The following SCN2A variants were observed in gnomAD, a reference collection of about 807,000 sequenced individuals.
SCN2A encodes the protein sodium channel protein type 2 subunit alpha.
A neutral mutation model predicts 188.7 loss-of-function variants in SCN2A; 20 were observed. The observed-to-expected ratio is 0.11, with a 90% CI of 0.07 to 0.15. The LOEUF (loss-of-function observed/expected upper bound fraction) is 0.15, where lower values mean the gene tolerates loss of function less well. Among genes scored for constraint, SCN2A ranks in the 10% least tolerant of loss-of-function variants. The pLI is 1.00. For synonymous variants in SCN2A, 804 were observed against 833.1 expected (o/e 0.97, Z 0.60); for missense variants, 1,278 against 2,445.0 (o/e 0.52, Z 10.07).
intron 1 of SCN2A, among the ~76,000 whole-genome samples, chr2:165,290,143 C>G (rs186605172): frequency 3.9e-5 from 6 of 152,100 alleles, no homozygotes; most frequent in Non-Finnish European, 7.4e-5. Context: ...TATTTCAATA[C>G]ATATAACATA....
intron 1 of SCN2A, among the ~76,000 whole-genome samples, chr2:165,261,462 T>C (rs965366860): frequency 2.0e-5 from 3 of 152,224 alleles, no homozygotes; most frequent in Non-Finnish European, 4.4e-5. Context: ...CAGTTCTGAA[T>C]TGTAAGTGAA....
rs1369907819 is a variant in SCN2A at position 165,390,110 on chromosome 2, AGGG to A, written c.*290_*292del. On this transcript the variant is annotated 3_prime_UTR_variant, in exon 27 of 27. Transcript: ENST00000375437. The stretch of plus-strand genomic sequence containing the variant: ...ACTCAGACGATAGGAACCAATTTAA[AGGG>A]GGGAGGGAAGTTAAATTTTTATGTA... The A allele has an allele frequency of 2.9e-6, 1 of 348,676 alleles. No individual in the cohort carries two copies. Among genetic ancestry groups the A allele is most frequent in the African/African-American group, 2.1e-5 (1 of 47,870 alleles). 21.6% of individuals were successfully genotyped at this position (348,676 alleles called of 1,614,324 possible). A position where few individuals can be genotyped will look rare whatever the true frequency, so the allele number is the denominator to read the frequency against.
chr2:165,239,925 T>A (rs1188362620), intron 1 of SCN2A: 1 of 152,202 alleles, frequency 6.6e-6, no homozygotes, highest in Non-Finnish European at 1.5e-5. Flanking sequence ...AAGGATGGGT[T>A]TTCCTTTCAC....
intron 13 of SCN2A, 139 bp downstream of exon 13, chr2:165,327,123 GC>G: frequency 4.5e-6 from 5 of 1,101,196 alleles, no homozygotes; most frequent in Non-Finnish European, 5.4e-6. Flanking sequence ...TAAAATCCGT[GC>G]ATAACTCATG....
chr2:165,363,383 T>C (rs1189416377), intron 17 of SCN2A, among the ~76,000 whole-genome samples: 1 of 152,166 alleles, frequency 6.6e-6, no homozygotes, highest in East Asian at 1.9e-4. Flanking sequence ...GAATATTTTT[T>C]GTTTCTTATT....
At chr2:165,373,895 A>G (rs1701177170) in intron 21 of SCN2A, among the ~76,000 whole-genome samples, 2 of 152,066 alleles carry the variant, frequency 1.3e-5, no homozygotes, top group Admixed American at 6.6e-5. Flanking sequence ...AAAACCTGAG[A>G]CCACATACCC....
At chr2:165,355,947 C>T (rs539448271) in intron 17 of SCN2A, among the ~76,000 whole-genome samples, 6 of 148,824 alleles carry the variant, frequency 4.0e-5, no homozygotes, top group African/African-American at 7.4e-5. Context: ...TGCAGTGAGC[C>T]GAGATCACCC....
At position 165,328,981 on chromosome 2, in the gene SCN2A, T is replaced by G. The variant is rs998214130; in HGVS notation, c.2149+1997T>G. The stretch of plus-strand genomic sequence containing the variant: ...CATGCATACTCAAGCAGACTTAAGA[T>G]AGTCCTTTTTTTTTTTTTTTTTTTT... On this transcript the variant is annotated intron_variant, in intron 13 of 26. Coordinates refer to ENST00000375437, the MANE Select transcript of SCN2A (RefSeq NM_001040142.2). Among the ~76,000 whole-genome samples the G allele has an allele frequency of 1.9e-4, 28 of 147,236 alleles. No homozygotes were observed. In the South Asian group the frequency reaches 5.8e-3, roughly 31 times the overall value.
intron 25 of SCN2A, among the ~76,000 whole-genome samples, chr2:165,384,145 T>C (rs1277631803): frequency 6.6e-6 from 1 of 151,888 alleles, no homozygotes; most frequent in African/African-American, 2.4e-5. Context: ...TGGAGTAATA[T>C]ATGAAAAGAA....
intron 25 of SCN2A, among the ~76,000 whole-genome samples, chr2:165,382,135 A>G (rs962959426): frequency 2.0e-5 from 3 of 152,096 alleles, no homozygotes; most frequent in Non-Finnish European, 4.4e-5. Flanking sequence ...TTACTGTATG[A>G]GAAAATGTAT....
At chr2:165,256,210 G>C (rs1244321055) in intron 1 of SCN2A, among the ~76,000 whole-genome samples, 2 of 151,808 alleles carry the variant, frequency 1.3e-5, no homozygotes, top group Non-Finnish European at 2.9e-5. Context: ...TCACCTTGTT[G>C]GTCAGGCTGA....
intron 3 of SCN2A, among the ~76,000 whole-genome samples, chr2:165,304,727 T>A (rs1697022778): frequency 6.6e-6 from 1 of 152,116 alleles, no homozygotes; most frequent in Non-Finnish European, 1.5e-5. Context: ...AAACAGCATA[T>A]AAAACATTCA....
chr2:165,301,926 A>G (rs578046316), intron 3 of SCN2A, among the ~76,000 whole-genome samples: 8 of 152,362 alleles, frequency 5.3e-5, no homozygotes, highest in African/African-American at 1.9e-4. Flanking sequence ...TATCAGTGGC[A>G]GAGCTAAAAC....
intron 1 of SCN2A, among the ~76,000 whole-genome samples, chr2:165,253,647 A>G (rs938317537): frequency 6.6e-6 from 1 of 152,058 alleles, no homozygotes; most frequent in African/African-American, 2.4e-5. Flanking sequence ...AAAATTATTT[A>G]CTAAATCATC....
At chr2:165,370,380 A>C in intron 20 of SCN2A, 81 bp downstream of exon 20, 2 of 1,297,570 alleles carry the variant, frequency 1.5e-6, no homozygotes, top group Non-Finnish European at 2.2e-6. Context: ...CAGTGTAGGC[A>C]CTCAGTAACA....
intron 25 of SCN2A, among the ~76,000 whole-genome samples, chr2:165,385,931 G>A (rs900700688): frequency 1.2e-4 from 18 of 152,198 alleles, no homozygotes; most frequent in African/African-American, 2.4e-4. Flanking sequence ...CTAACTGTCC[G>A]TCATAACATG....
In SCN2A at chr2:165,374,974, A is replaced by G; in HGVS notation, c.4254+8A>G. 3.7e-6 allele frequency: 6 copies of G among 1,610,392 alleles called. No homozygotes were observed. The highest frequency in any genetic ancestry group is 5.1e-6 in the Non-Finnish European group (6 of 1,177,176). On this transcript the variant is annotated splice_region_variant and intron_variant, in intron 22 of 26. Transcript: ENST00000375437. ...CTGTCTCTACTTCAAGTAGTAAGTA[A>G]TCACTTTATTATTTTCCATGATGTG... is the stretch of plus-strand genomic sequence containing the variant.
At chr2:165,326,734 C>A (rs1023710411) in intron 12 of SCN2A, 118 bp from the exon 13 acceptor site, 9 of 1,162,778 alleles carry the variant, frequency 7.7e-6, no homozygotes, top group Non-Finnish European at 1.2e-5. Context: ...TCTTAGTGAG[C>A]TTTTTACATC....
chr2:165,367,801 G>T lies in SCN2A; in HGVS notation c.3675+430G>T, dbSNP rs6738948. Among the ~76,000 whole-genome samples the T allele has an allele frequency of 3.4e-3, 524 of 152,310 alleles. 8 individuals carry two copies. In the East Asian group the frequency reaches 0.042, roughly 12 times the overall value. On this transcript the variant is annotated intron_variant, in intron 19 of 26. Transcript: ENST00000375437. Reference sequence around the variant, plus strand: ...ACTCACTGCTCCACCCCTCACAGGAGGGGGAGCGCAGGTGACTGGGTGCAG... The same window carrying T: ...ACTCACTGCTCCACCCCTCACAGGATGGGGAGCGCAGGTGACTGGGTGCAG...
Sources: allele counts gnomAD v4.1 joint callset (sites outside exome capture counted in the v4.1 genomes callset), GRCh38; gene constraint gnomAD v4.1.1; transcripts MANE v1.5; gene names NCBI Gene and HGNC (gene_info 2026-07-23, HGNC 2026-07-21).